Variants in RCOR1 observed in about 807,000 individuals in gnomAD.
RCOR1 encodes the protein REST corepressor.
RCOR1 carries 12 observed loss-of-function variants against 64.0 expected under a neutral mutation model. The observed-to-expected ratio is 0.19, with a 90% CI of 0.12 to 0.30. The LOEUF is 0.30. Among genes scored for constraint, RCOR1 ranks in the 10% least tolerant of loss-of-function variants. RCOR1 has a pLI of 1.00. For missense variants in RCOR1, 502 were observed against 621.2 expected (o/e 0.81, Z 2.04); for synonymous variants, 279 against 227.2 (o/e 1.23, Z -2.05).
chr14:102,628,637 A>G (rs1312928822), intron 2 of RCOR1, among the ~76,000 whole-genome samples: 1 of 152,020 alleles, frequency 6.6e-6, no homozygotes, highest in Admixed American at 6.6e-5. Context: ...GAACTTCTCA[A>G]TGAAAATCCT....
chr14:102,639,494 A>ATTTT (rs1894316844), intron 2 of RCOR1, among the ~76,000 whole-genome samples: 1 of 139,062 alleles, frequency 7.2e-6, no homozygotes, highest in African/African-American at 2.6e-5. Context: ...TTTATTTTTT[A>ATTTT]ATTTTTATTT....
chr14:102,666,677 C>T (rs188734647), intron 2 of RCOR1, among the ~76,000 whole-genome samples: 12 of 152,256 alleles, frequency 7.9e-5, no homozygotes, highest in African/African-American at 2.9e-4. Flanking sequence ...AGAAATTTTG[C>T]AGGATGTTTC....
chr14:102,716,873 A>C (rs1320630046), intron 8 of RCOR1, among the ~76,000 whole-genome samples: 1 of 152,168 alleles, frequency 6.6e-6, no homozygotes, highest in Non-Finnish European at 1.5e-5. Context: ...ATTCTATTAG[A>C]GTTTTGATTG....
chr14:102,714,521 T>G lies in RCOR1; in HGVS notation c.957T>G (p.Leu319=). Residue 319 remains leucine, a synonymous_variant, in exon 8 of 12, where the codon CTT becomes CTG. Coordinates refer to ENST00000262241, the MANE Select transcript of RCOR1 (RefSeq NM_015156.4). ...AKRKPPKGMF[L]SQEDVEAVSA... is the part of the protein sequence containing the mutation. Reference sequence around the variant, plus strand: ...GGAAACCTCCAAAAGGAATGTTTCTTTCTCAAGAAGATGTGGAGGCTGTTT... The same window carrying G: ...GGAAACCTCCAAAAGGAATGTTTCTGTCTCAAGAAGATGTGGAGGCTGTTT... 1.2e-6 allele frequency: 2 copies of G among 1,614,096 alleles called. No homozygotes were observed. Among genetic ancestry groups the G allele is most frequent in the Non-Finnish European group, 1.7e-6 (2 of 1,179,962 alleles).
chr14:102,717,858 C>G (rs1292064611), intron 8 of RCOR1, among the ~76,000 whole-genome samples: 1 of 152,034 alleles, frequency 6.6e-6, no homozygotes, highest in Non-Finnish European at 1.5e-5. Flanking sequence ...AGGACTCAGC[C>G]TCACTCAGAG....
intron 2 of RCOR1, among the ~76,000 whole-genome samples, chr14:102,670,898 C>G (rs2139948362): frequency 6.6e-6 from 1 of 151,856 alleles, no homozygotes; most frequent in Non-Finnish European, 1.5e-5. Context: ...CTCAGCCTCC[C>G]AAGTAGCTGG....
chr14:102,707,600 A>G, intron 5 of RCOR1, 88 bp downstream of exon 5: 4 of 1,091,860 alleles, frequency 3.7e-6, no homozygotes, highest in Non-Finnish European at 5.2e-6. Flanking sequence ...ATCATACTCA[A>G]ACATAAATAT....
At position 102,690,388 on chromosome 14, in the gene RCOR1, A is replaced by G. The variant is rs1895507139; in HGVS notation, c.445+8410A>G. ...TTCAATTCATTGTAAGTTAAAGTCA[A>G]AAGAACCTGACACACCCTGGGCAGC... On this transcript the variant is annotated intron_variant, in intron 3 of 11. Coordinates refer to ENST00000262241, the MANE Select transcript of RCOR1 (RefSeq NM_015156.4). 5.3e-5 allele frequency among the ~76,000 whole-genome samples: 8 copies of G among 152,266 alleles called. No individual in the cohort carries two copies. The South Asian group carries it at 8.3e-4, about 16-fold the overall frequency.
intron 3 of RCOR1, among the ~76,000 whole-genome samples, chr14:102,695,217 A>G (rs1189044555): frequency 5.3e-5 from 8 of 152,236 alleles, no homozygotes; most frequent in African/African-American, 1.2e-4. Context: ...TTTAGCGTCC[A>G]TCTGTTTCTT....
chr14:102,703,699 C>T (rs189376597), intron 4 of RCOR1, among the ~76,000 whole-genome samples: 5 of 152,270 alleles, frequency 3.3e-5, no homozygotes, highest in Middle Eastern at 3.4e-3. Flanking sequence ...GCTGAACTTG[C>T]CAACTGGTAA....
chr14:102,627,882 A>T (rs1296193040), intron 2 of RCOR1, among the ~76,000 whole-genome samples: 2 of 151,904 alleles, frequency 1.3e-5, no homozygotes, highest in Non-Finnish European at 2.9e-5. Context: ...CCCAAGAGAC[A>T]TATGTGTCTG....
chr14:102,710,196 G>T (rs140745953), intron 6 of RCOR1, among the ~76,000 whole-genome samples: 1 of 152,222 alleles, frequency 6.6e-6, no homozygotes, highest in East Asian at 1.9e-4. Flanking sequence ...GCATGGTCCC[G>T]TGGGATGGAT....
intron 5 of RCOR1, among the ~76,000 whole-genome samples, chr14:102,707,824 C>T (rs957704830): frequency 2.0e-5 from 3 of 150,848 alleles, no homozygotes; most frequent in Non-Finnish European, 4.4e-5. Context: ...GAGTCTCGCT[C>T]TATCACCAGG....
intron 2 of RCOR1, among the ~76,000 whole-genome samples, chr14:102,630,306 G>A (rs1894084021): frequency 1.3e-5 from 2 of 152,170 alleles, no homozygotes; most frequent in Admixed American, 1.3e-4. Flanking sequence ...CTTCCGCCAT[G>A]TGTGGAAGCA....
intron 2 of RCOR1, among the ~76,000 whole-genome samples, chr14:102,619,790 T>C (rs540350629): frequency 2.6e-5 from 4 of 152,292 alleles, no homozygotes; most frequent in African/African-American, 9.6e-5. Flanking sequence ...CTGTTAAGTA[T>C]TACCATAAAC....
intron 2 of RCOR1, among the ~76,000 whole-genome samples, chr14:102,644,351 G>T (rs994714395): frequency 7.2e-5 from 11 of 152,208 alleles, no homozygotes; most frequent in African/African-American, 2.4e-4. Context: ...TTCAAGGGCA[G>T]GGAACATAGA....
chr14:102,704,032 T>C (rs1244287712), intron 4 of RCOR1, among the ~76,000 whole-genome samples: 1 of 152,244 alleles, frequency 6.6e-6, no homozygotes, highest in Non-Finnish European at 1.5e-5. Context: ...TCATATAATC[T>C]AGTCAGATAG....
chr14:102,602,414 G>A (rs1321530597), intron 2 of RCOR1, among the ~76,000 whole-genome samples: 1 of 40,648 alleles, frequency 2.5e-5, no homozygotes, highest in African/African-American at 1.1e-4. Flanking sequence ...TTTTTTTTTT[G>A]GAGATGGAGT....
At chr14:102,674,803 G>A (rs950410637) in intron 2 of RCOR1, among the ~76,000 whole-genome samples, 4 of 152,076 alleles carry the variant, frequency 2.6e-5, no homozygotes, top group South Asian at 2.1e-4. Context: ...GGCCGGGCAC[G>A]GTGGCTCATG....
Sources: allele counts gnomAD v4.1 joint callset (sites outside exome capture counted in the v4.1 genomes callset), GRCh38; gene constraint gnomAD v4.1.1; transcripts MANE v1.5; gene names NCBI Gene and HGNC (gene_info 2026-07-23, HGNC 2026-07-21).